KIF5C: variants seen among roughly 807,000 people sequenced by gnomAD.
The protein encoded by KIF5C is kinesin family member 5C, also known as kinesin heavy chain isoform 5C.
KIF5C carries 18 observed loss-of-function variants against 125.2 expected under a neutral mutation model. That is an observed-to-expected ratio of 0.14 (90% CI 0.10 to 0.21). The LOEUF (loss-of-function observed/expected upper bound fraction) is 0.21. Ranked by LOEUF, KIF5C falls within the 10% of genes least tolerant of loss-of-function variation. KIF5C has a pLI of 1.00. For missense variants in KIF5C, 780 were observed against 1,183.8 expected (o/e 0.66, Z 5.01); for synonymous variants, 405 against 434.0 (o/e 0.93, Z 0.83).
chr2:148,882,346 G>A (rs1289275050), intron 1 of KIF5C, among the ~76,000 whole-genome samples: 1 of 152,174 alleles, frequency 6.6e-6, no homozygotes, highest in African/African-American at 2.4e-5. Context: ...GCTAGTCCAC[G>A]GCAGGCATCC....
At chr2:148,955,862 C>G (rs1682778940) in intron 10 of KIF5C, among the ~76,000 whole-genome samples, 1 of 152,102 alleles carries the variant, frequency 6.6e-6, no homozygotes, top group Admixed American at 6.5e-5. Flanking sequence ...GTCTAGAGCT[C>G]CTTATTCAAA....
intron 3 of KIF5C, among the ~76,000 whole-genome samples, chr2:148,930,682 C>T (rs1217621335): frequency 2.6e-5 from 4 of 152,160 alleles, no homozygotes; most frequent in Admixed American, 1.3e-4. Context: ...GGGTACAGTG[C>T]CGGGGATCTC....
In KIF5C at chr2:148,924,490, A is replaced by AC. The variant is rs1272667076; in HGVS notation, c.217+2263_217+2264insC. 2.8e-5 allele frequency among the ~76,000 whole-genome samples: 4 copies of AC among 144,286 alleles called. No individual in the cohort carries two copies. The highest frequency in any genetic ancestry group is 1.1e-4 in the African/African-American group (4 of 34,870). The allele number at this position is 144,286 out of a possible 152,430, so 94.7% of individuals were successfully genotyped here. On this transcript the variant is annotated intron_variant, in intron 2 of 25. Coordinates refer to ENST00000435030, the MANE Select transcript of KIF5C (RefSeq NM_004522.3). The surrounding 1 kb of genome is among the most constrained non-coding windows in gnomAD (Gnocchi z 4.0). Reference sequence around the variant, plus strand: ...ATTCCCTACCACTTCACTGGGTTAAAAAAAATATATTTTAAATGTTTGTTT... The same window carrying AC: ...ATTCCCTACCACTTCACTGGGTTAAACAAAAATATATTTTAAATGTTTGTTT...
At chr2:148,887,645 C>T (rs75758209) in intron 1 of KIF5C, among the ~76,000 whole-genome samples, 1 of 151,820 alleles carries the variant, frequency 6.6e-6, no homozygotes, top group African/African-American at 2.4e-5. Context: ...TACTTTGAAG[C>T]TGGGGTAGGA....
At chr2:149,017,559 T>G (rs1480218340) in intron 25 of KIF5C, among the ~76,000 whole-genome samples, 1 of 152,208 alleles carries the variant, frequency 6.6e-6, no homozygotes, top group East Asian at 1.9e-4. Context: ...GCCAGGGGAC[T>G]TGTTCAAATG....
At position 148,875,259 on chromosome 2, in the gene KIF5C, G is replaced by T. The variant is rs1574677696; in HGVS notation, c.-359G>T. 5.0e-6 allele frequency: 1 copy of T among 201,172 alleles called. No individual in the cohort carries two copies. Among genetic ancestry groups the T allele is most frequent in the East Asian group, 1.1e-4 (1 of 8,848 alleles). 12.5% of individuals were successfully genotyped at this position (201,172 alleles called of 1,614,324 possible). A position where few individuals can be genotyped will look rare whatever the true frequency, so the allele number is the denominator to read the frequency against. ...GCTGGTGCTGATGCAGGATGGCTGA[G>T]CGCGCAGGAGCCCGGGAGGTCTGAG... On this transcript the variant is annotated 5_prime_UTR_variant, in exon 1 of 26. Transcript: ENST00000435030.
intron 12 of KIF5C, among the ~76,000 whole-genome samples, chr2:148,974,512 C>G (rs1574803677): frequency 6.6e-6 from 1 of 152,110 alleles, no homozygotes; most frequent in East Asian, 1.9e-4. Context: ...GCACTATAAC[C>G]AAAGCTTTAT....
At chr2:148,996,600 T>C (rs1681680684) in intron 17 of KIF5C, among the ~76,000 whole-genome samples, 1 of 152,220 alleles carries the variant, frequency 6.6e-6, no homozygotes, top group African/African-American at 2.4e-5. Flanking sequence ...CAGCTGGGGC[T>C]GCCCATTGCA....
At chr2:148,981,707 A>G (rs1681242368) in intron 14 of KIF5C, 146 bp downstream of exon 14, 1 of 1,357,430 alleles carries the variant, frequency 7.4e-7, no homozygotes, top group South Asian at 1.7e-5. Flanking sequence ...CCCTCCAACA[A>G]TTGAAATACT....
At chr2:149,015,892 T>C in intron 25 of KIF5C, among the ~76,000 whole-genome samples, 1 of 152,168 alleles carries the variant, frequency 6.6e-6, no homozygotes, top group East Asian at 1.9e-4. Context: ...AGTGATATGC[T>C]TGTTAGGGGA....
Position 148,950,580 on chromosome 2 carries a change from G to C in KIF5C, c.968+118G>C, listed in dbSNP as rs187595777. On this transcript the variant is annotated intron_variant, in intron 10 of 25. Coordinates refer to ENST00000435030, the MANE Select transcript of KIF5C (RefSeq NM_004522.3). ...TCCCAGCACTTTGGGAGGCCAAGGC[G>C]GGTGGATTGCCTGAGGTCAGGAGTT... The C allele has an allele frequency of 8.8e-6, 12 of 1,362,630 alleles. No individual in the cohort carries two copies. In the African/African-American group the frequency reaches 1.7e-4, roughly 20 times the overall value. 84.4% of individuals were successfully genotyped at this position (1,362,630 alleles called of 1,614,324 possible).
chr2:149,009,638 T>C (rs1682122835), intron 23 of KIF5C, among the ~76,000 whole-genome samples: 1 of 152,184 alleles, frequency 6.6e-6, no homozygotes, highest in South Asian at 2.1e-4. Context: ...CCTTAGCCTC[T>C]GGATGTGTTG....
chr2:148,915,528 T>C (rs1681510796), intron 1 of KIF5C, among the ~76,000 whole-genome samples: 1 of 152,192 alleles, frequency 6.6e-6, no homozygotes, highest in African/African-American at 2.4e-5. Flanking sequence ...CCCCAGCTTG[T>C]TGAATTTTAG....
Position 148,988,260 on chromosome 2 carries a change from A to G in KIF5C, c.1717-2750A>G, listed in dbSNP as rs551390560. The stretch of plus-strand genomic sequence containing the variant: ...AGTGGTAAGAAACCTCACAGTTAAA[A>G]CCCCTTTGTTAGGGGTATTGTTTTT... On this transcript the variant is annotated intron_variant, in intron 15 of 25. Coordinates refer to ENST00000435030, the MANE Select transcript of KIF5C (RefSeq NM_004522.3). Among the ~76,000 whole-genome samples the G allele has an allele frequency of 2.0e-5, 3 of 152,004 alleles. No homozygotes were observed. The South Asian group carries it at 6.2e-4, about 32-fold the overall frequency.
At chr2:148,877,132 GGGGACCAGCAGGTGCC>G (rs1681217288) in intron 1 of KIF5C, 1 of 152,266 alleles carries the variant, frequency 6.6e-6, no homozygotes, top group South Asian at 2.1e-4. Flanking sequence ...GAAGGGCCCT[GGGGACCAGCAGGTGCC>G]AGCTGTACCG....
Position 149,011,629 on chromosome 2 carries a change from C to A in KIF5C, c.2827C>A (p.Arg943=). The A allele has an allele frequency of 1.9e-6, 3 of 1,614,058 alleles. No homozygotes were observed. The highest frequency in any genetic ancestry group is 2.5e-6 in the Non-Finnish European group (3 of 1,179,896). Residue 943 remains arginine (R), a synonymous_variant, in exon 25 of 26, where the codon CGA becomes AGA. Coordinates refer to ENST00000435030, the MANE Select transcript of KIF5C (RefSeq NM_004522.3). The part of the protein sequence containing the change: ...ASSPTAVHAI[R]GGGGSSSNST... ...ATCTCCAACGGCCGTCCATGCCATT[C>A]GAGGGGGAGGAGGCAGCTCTTCAAA...
In KIF5C at chr2:148,926,377, G is replaced by C. The variant is rs577241382; in HGVS notation, c.218-2904G>C. Among the ~76,000 whole-genome samples, 7 of 152,320 alleles carry C rather than the reference G, an allele frequency of 4.6e-5. No homozygotes were observed. In the South Asian group the frequency reaches 1.4e-3, roughly 32 times the overall value. ...TACCAGTGGAGGTCACATCACACCA[G>C]GCACTAACACAAAGAAACTTTCTGT... On this transcript the variant is annotated intron_variant, in intron 2 of 25. Transcript: ENST00000435030.
chr2:149,006,634 A>C (rs1434027306), intron 22 of KIF5C, among the ~76,000 whole-genome samples: 2 of 152,222 alleles, frequency 1.3e-5, no homozygotes, highest in South Asian at 4.1e-4. Context: ...CCCTGACAGC[A>C]TGGTTTAAGT....
intron 11 of KIF5C, 68 bp from the exon 12 acceptor site, chr2:148,973,268 G>A: frequency 1.3e-6 from 2 of 1,522,476 alleles, no homozygotes; most frequent in Middle Eastern, 2.3e-4. Flanking sequence ...ATTATTTTTG[G>A]TACTCTTCCT....
Sources: gnomAD v4.1 joint callset for allele counts (sites outside exome capture counted in the v4.1 genomes callset) on GRCh38, gnomAD v4.1.1 for gene constraint, Gnocchi (gnomAD v3.1) non-coding constraint, MANE v1.5 for transcripts, NCBI Gene and HGNC (gene_info 2026-07-23, HGNC 2026-07-21) for gene names.